FAM193A: variants seen among roughly 807,000 people sequenced by gnomAD.
The protein encoded by FAM193A is family with sequence similarity 193 member A, also known as protein FAM193A.
A neutral mutation model predicts 126.5 loss-of-function variants in FAM193A; 22 were observed. The ratio of observed to expected loss-of-function variants is 0.17; its 90% CI spans 0.12 to 0.25. The LOEUF (loss-of-function observed/expected upper bound fraction) is 0.25, where lower values mean the gene tolerates loss of function less well. Ranked by LOEUF, FAM193A falls within the 10% of genes least tolerant of loss-of-function variation. The pLI is 1.00. For synonymous variants in FAM193A, 761 were observed against 646.8 expected (o/e 1.18, Z -2.68); for missense variants, 1,675 against 1,672.8 (o/e 1.00, Z -0.02).
At chr4:2,685,035 G>T (rs934350578) in intron 13 of FAM193A, among the ~76,000 whole-genome samples, 3 of 152,170 alleles carry the variant, frequency 2.0e-5, no homozygotes, top group Non-Finnish European at 4.4e-5. Flanking sequence ...TTGAATCCTG[G>T]GTCTTTTTCA....
intron 19 of FAM193A, among the ~76,000 whole-genome samples, chr4:2,711,591 C>G (rs1390587551): frequency 6.6e-6 from 1 of 151,066 alleles, no homozygotes; most frequent in Non-Finnish European, 1.5e-5. Flanking sequence ...CCACCCGCCT[C>G]TGCCTCCCAA....
At chr4:2,594,198 T>C (rs888860174) in intron 1 of FAM193A, among the ~76,000 whole-genome samples, 2 of 152,242 alleles carry the variant, frequency 1.3e-5, no homozygotes, top group African/African-American at 4.8e-5. Context: ...TTCATTCATT[T>C]ATACATTCAG....
intron 1 of FAM193A, among the ~76,000 whole-genome samples, chr4:2,547,604 C>CTGTGTGTGTGTGTGTGTCTG (rs1553884201): frequency 0.02 from 2,947 of 144,854 alleles, 104 homozygotes; most frequent in African/African-American, 0.071. Flanking sequence ...GTGTGTGTGT[C>CTGTGTGTGTGTGTGTGTCTG]TGTGTGTGTG....
Position 2,732,261 on chromosome 4 carries a change from T to G in FAM193A, c.*393T>G. The stretch of plus-strand genomic sequence containing the variant: ...TATCGGCCGTCACTCAGCTCTCCTG[T>G]GCCCCTGCGTCTCACCCTAGGCGGG... On this transcript the variant is annotated 3_prime_UTR_variant, in exon 21 of 21. Coordinates refer to ENST00000637812, the MANE Select transcript of FAM193A (RefSeq NM_001366318.2). 1 of 232,452 alleles carries G rather than the reference T, an allele frequency of 4.3e-6. No individual in the cohort carries two copies. The allele number at this position is 232,452 out of a possible 1,614,324, so 14.4% of individuals were successfully genotyped here.
chr4:2,583,722 A>ACT (rs1169097682), intron 1 of FAM193A, among the ~76,000 whole-genome samples: 1 of 152,056 alleles, frequency 6.6e-6, no homozygotes, highest in Admixed American at 6.6e-5. Context: ...AACTCTTCTT[A>ACT]CTAGTGTGTC....
intron 12 of FAM193A, among the ~76,000 whole-genome samples, chr4:2,669,123 A>T (rs1342476479): frequency 6.6e-6 from 1 of 152,148 alleles, no homozygotes; most frequent in East Asian, 1.9e-4. Context: ...GATTACAGGC[A>T]TGAGCTACCA....
At chr4:2,710,653 C>T (rs978094449) in intron 19 of FAM193A, among the ~76,000 whole-genome samples, 2 of 151,920 alleles carry the variant, frequency 1.3e-5, no homozygotes, top group Admixed American at 6.6e-5. Flanking sequence ...CAGGTGGGCA[C>T]CACCACACTC....
chr4:2,620,003 T>G (rs1280928904), intron 2 of FAM193A, among the ~76,000 whole-genome samples: 1 of 152,210 alleles, frequency 6.6e-6, no homozygotes, highest in Non-Finnish European at 1.5e-5. Flanking sequence ...GGGGATCTGT[T>G]TCTATTGATT....
intron 2 of FAM193A, among the ~76,000 whole-genome samples, chr4:2,600,594 A>G (rs1418133410): frequency 2.6e-5 from 4 of 152,062 alleles, no homozygotes; most frequent in East Asian, 1.9e-4. Flanking sequence ...CAGCTCAGCT[A>G]TTGACCTTCG....
intron 4 of FAM193A, 49 bp from the exon 5 acceptor site, chr4:2,630,886 A>G: frequency 9.5e-7 from 1 of 1,049,934 alleles, no homozygotes; most frequent in Non-Finnish European, 1.4e-6. Flanking sequence ...ACATCAGAGC[A>G]CCCATGGGCC....
At chr4:2,578,741 A>G (rs560841906) in intron 1 of FAM193A, among the ~76,000 whole-genome samples, 1 of 152,310 alleles carries the variant, frequency 6.6e-6, no homozygotes, top group East Asian at 1.9e-4. Context: ...TCTTATAGAT[A>G]TTATCTACTG....
At chr4:2,712,086 C>T (rs1719041036) in intron 19 of FAM193A, among the ~76,000 whole-genome samples, 1 of 151,944 alleles carries the variant, frequency 6.6e-6, no homozygotes, top group African/African-American at 2.4e-5. Flanking sequence ...TTTTGCAAAA[C>T]CTATTGATAC....
At chr4:2,702,014 C>T (rs147651141) in intron 19 of FAM193A, among the ~76,000 whole-genome samples, 2 of 152,268 alleles carry the variant, frequency 1.3e-5, no homozygotes, top group African/African-American at 2.4e-5. Context: ...TCAGTTGATC[C>T]GCCTGCCTCA....
chr4:2,638,400 C>T (rs1744298845), intron 5 of FAM193A, among the ~76,000 whole-genome samples: 1 of 152,196 alleles, frequency 6.6e-6, no homozygotes, highest in African/African-American at 2.4e-5. Flanking sequence ...TATCAGTTAC[C>T]TGGCCCTGGT....
chr4:2,645,252 G>C (rs1259103726), intron 6 of FAM193A, among the ~76,000 whole-genome samples: 2 of 152,100 alleles, frequency 1.3e-5, no homozygotes, highest in Admixed American at 1.3e-4. Context: ...AGCCATCCTT[G>C]TCAAGATGTC....
chr4:2,722,443 G>C (rs1245559453), intron 20 of FAM193A, among the ~76,000 whole-genome samples: 1 of 152,182 alleles, frequency 6.6e-6, no homozygotes, highest in East Asian at 1.9e-4. Flanking sequence ...GCAGGAATGT[G>C]GTTGATGTTC....
upstream of FAM193A, among the ~76,000 whole-genome samples, chr4:2,536,310 C>G (rs1371124754): frequency 1.3e-5 from 2 of 151,618 alleles, no homozygotes; most frequent in Non-Finnish European, 2.9e-5. Flanking sequence ...GGCCGCGCGG[C>G]GCGGGCGGGA....
chr4:2,646,159 C>CTTTTTTTT (rs568447182), intron 6 of FAM193A, among the ~76,000 whole-genome samples: 1 of 69,120 alleles, frequency 1.4e-5, no homozygotes, highest in Non-Finnish European at 2.6e-5. Flanking sequence ...TGAGCATCTC[C>CTTTTTTTT]TTTTTTTTTT....
Position 2,567,543 on chromosome 4 carries a change from G to A in FAM193A, c.256-28541G>A, listed in dbSNP as rs1739042570. On this transcript the variant is annotated intron_variant, in intron 1 of 20. Transcript: ENST00000637812. ...TGATCTCCATAAGTTTTTTTGTCAT[G>A]ATTTTTGGTGACACAACAAGTTTTG... is the stretch of plus-strand genomic sequence containing the variant. 4.6e-5 allele frequency among the ~76,000 whole-genome samples: 7 copies of A among 152,250 alleles called. No individual in the cohort carries two copies. In the South Asian group the frequency reaches 1.0e-3, roughly 23 times the overall value.
Sources: gnomAD v4.1 joint callset for allele counts (sites outside exome capture counted in the v4.1 genomes callset) on GRCh38, gnomAD v4.1.1 for gene constraint, MANE v1.5 for transcripts, NCBI Gene and HGNC (gene_info 2026-07-23, HGNC 2026-07-21) for gene names.